The following TRIM26 variants were observed in gnomAD, a reference collection of about 807,000 sequenced individuals.
The protein encoded by TRIM26 is tripartite motif containing 26.
TRIM26 carries 16 observed loss-of-function variants against 45.5 expected under a neutral mutation model. The observed-to-expected ratio is 0.35, with a 90% CI of 0.24 to 0.53. TRIM26 has a LOEUF of 0.53. TRIM26 is among the 20% of genes least tolerant of loss of function. The probability of loss-of-function intolerance (pLI) is 0.92; values close to 1 mark genes in which losing one functional copy is unlikely to be tolerated. For synonymous variants in TRIM26, 273 were observed against 290.4 expected, an observed-to-expected ratio of 0.94 and a Z score of 0.61; for missense variants, 442 against 691.1, an observed-to-expected ratio of 0.64 and a Z score of 4.04.
Position 30,201,017 on chromosome 6 carries a change from A to G in TRIM26, c.-162+18T>C, listed in dbSNP as rs1262262049. On this transcript the variant is annotated intron_variant, in intron 3 of 9. Coordinates refer to ENST00000454678, the MANE Select transcript of TRIM26 (RefSeq NM_003449.5). ...CACACGTGCTACAGAGTTCAACAAC[A>G]TCGTCACAGGGCAGTACCTGGAGGA... 1 of 152,264 alleles carries G rather than the reference A, an allele frequency of 6.6e-6. No homozygotes were observed. Among genetic ancestry groups the G allele is most frequent in the African/African-American group, 2.4e-5 (1 of 41,454 alleles). 9.4% of individuals were successfully genotyped at this position (152,264 alleles called of 1,614,324 possible). A position where few individuals can be genotyped will look rare whatever the true frequency, so the allele number is the denominator to read the frequency against.
chr6:30,186,864 G>T lies in TRIM26; in HGVS notation c.938-306C>A. The T allele has an allele frequency of 1.2e-6, 1 of 828,822 alleles. No individual in the cohort carries two copies. The highest frequency in any genetic ancestry group is 2.0e-6 in the Non-Finnish European group (1 of 493,018). The allele number at this position is 828,822 out of a possible 1,614,324, so 51.3% of individuals were successfully genotyped here. On this transcript the variant is annotated intron_variant, in intron 9 of 9. Transcript: ENST00000454678. The surrounding 1 kb of genome is among the most constrained non-coding windows in gnomAD (Gnocchi z 7.4). ...AAGCTTCCTCTATCTCTGGATCTCT[G>T]GGTCCAACTCATCATTAATATCATC...
At chr6:30,191,912 G>A (rs1775881998) in intron 6 of TRIM26, among the ~76,000 whole-genome samples, 1 of 152,252 alleles carries the variant, frequency 6.6e-6, no homozygotes, top group Non-Finnish European at 1.5e-5. Flanking sequence ...GCAGTAGCTG[G>A]AGTGTGGGCC....
chr6:30,204,431 T>A (rs1327177075), intron 2 of TRIM26, among the ~76,000 whole-genome samples: 1 of 152,242 alleles, frequency 6.6e-6, no homozygotes, highest in Non-Finnish European at 1.5e-5. Context: ...CACCCTAGCC[T>A]TAGCTATGAC....
At chr6:30,194,048 A>T (rs147867122) in intron 6 of TRIM26, among the ~76,000 whole-genome samples, 3 of 152,334 alleles carry the variant, frequency 2.0e-5, no homozygotes, top group African/African-American at 7.2e-5. Flanking sequence ...AAAAACTAAA[A>T]ATAGAACTAC....
chr6:30,186,268 AGTC>A lies in TRIM26; in HGVS notation c.1225_1227del (p.Asp409del). The A allele has an allele frequency of 6.2e-7, 1 of 1,607,070 alleles. No homozygotes were observed. Among genetic ancestry groups the A allele is most frequent in the Middle Eastern group, 1.7e-4 (1 of 6,056 alleles). ...GATTCCTCATCTTCGTCCGTTTCCCAGTCGTCATATCCATCCCCATAGCCGGCC... is the reference window on the plus strand; with the variant it reads ...GATTCCTCATCTTCGTCCGTTTCCCAGTCATATCCATCCCCATAGCCGGCC... On this transcript the variant is annotated inframe_deletion, in exon 10 of 10. Transcript: ENST00000454678. The surrounding 1 kb of genome is among the most constrained non-coding windows in gnomAD (Gnocchi z 7.4).
chr6:30,193,156 G>GTATATA (rs1188383368), intron 6 of TRIM26, among the ~76,000 whole-genome samples: 22 of 50,080 alleles, frequency 4.4e-4, no homozygotes, highest in South Asian at 7.4e-4. Flanking sequence ...GTGTGTGTGT[G>GTATATA]TGTGTGTATA....
Position 30,193,134 on chromosome 6 carries a change from ATATGTGTGTG to A in TRIM26, c.766-3109_766-3100del, listed in dbSNP as rs1485579003. Among the ~76,000 whole-genome samples the A allele has an allele frequency of 2.3e-3, 126 of 54,658 alleles. 4 individuals carry two copies. The highest frequency in any genetic ancestry group is 0.01 in the African/African-American group (95 of 9,070). 35.9% of individuals were successfully genotyped at this position (54,658 alleles called of 152,430 possible). A position where few individuals can be genotyped will look rare whatever the true frequency, so the allele number is the denominator to read the frequency against. On this transcript the variant is annotated intron_variant, in intron 6 of 9. Coordinates refer to ENST00000454678, the MANE Select transcript of TRIM26 (RefSeq NM_003449.5). ...TATATATGTGTATATATATATACAT[ATATGTGTGTG>A]TGTGTGTGTGTGTGTGTGTATATAT...
intron 6 of TRIM26, among the ~76,000 whole-genome samples, chr6:30,195,633 G>GTC (rs1345620565): frequency 6.6e-6 from 1 of 152,166 alleles, no homozygotes; most frequent in Non-Finnish European, 1.5e-5. Context: ...ATACTGCAGA[G>GTC]TCTGCCTTGC....
At chr6:30,202,920 T>C (rs1777329135) in intron 2 of TRIM26, among the ~76,000 whole-genome samples, 1 of 152,012 alleles carries the variant, frequency 6.6e-6, no homozygotes, top group African/African-American at 2.4e-5. Flanking sequence ...CCAAATGCAA[T>C]ACGTGAACCT....
chr6:30,211,682 C>G (rs893897888), intron 1 of TRIM26, among the ~76,000 whole-genome samples: 2 of 152,126 alleles, frequency 1.3e-5, no homozygotes, highest in Non-Finnish European at 2.9e-5. Context: ...GCAAAAAGCT[C>G]TATAAAAATA....
chr6:30,187,369 C>G (rs116960804), intron 9 of TRIM26: 10,569 of 358,662 alleles, frequency 0.029, 347 homozygotes, highest in Admixed American at 0.09. Context: ...TTCGGCAACT[C>G]CTGAAGACCA....
intron 3 of TRIM26, among the ~76,000 whole-genome samples, chr6:30,200,212 G>A (rs568632596): frequency 6.6e-6 from 1 of 152,282 alleles, no homozygotes; most frequent in East Asian, 1.9e-4. Flanking sequence ...AATCTGGGAG[G>A]TGGAGGCTAC....
chr6:30,198,487 T>C lies in TRIM26; in HGVS notation c.476A>G (p.Asp159Gly). The C allele has an allele frequency of 6.2e-7, 1 of 1,613,038 alleles. No individual in the cohort carries two copies. Among genetic ancestry groups the C allele is most frequent in the Non-Finnish European group, 8.5e-7 (1 of 1,180,030 alleles). ...ILNHLSTLRRDRDKIQGFQAK... is the reference protein window; with the variant it reads ...ILNHLSTLRRGRDKIQGFQAK... ...CTGGAAGCCCTGAATTTTGTCTCTG[T>C]CCCTCCTTAGGGTACTCAGGTGGTT... The change falls in exon 5 of 10, where the codon GAC (aspartate) becomes GGC (glycine). Residue 159 changes from aspartate to glycine, a missense_variant. Physicochemically the swap from Asp to Gly is moderately conservative, Grantham distance 94 (BLOSUM62 -1). Coordinates refer to ENST00000454678, the MANE Select transcript of TRIM26 (RefSeq NM_003449.5). This position sits in a 1 kb window ranked among gnomAD's most constrained non-coding sequence, Gnocchi z 6.3.
At chr6:30,210,690 G>A (rs1778197145) in intron 1 of TRIM26, among the ~76,000 whole-genome samples, 1 of 151,352 alleles carries the variant, frequency 6.6e-6, no homozygotes, top group African/African-American at 2.4e-5. Context: ...TATAAAGTAG[G>A]CACAGAAATA....
intron 3 of TRIM26, among the ~76,000 whole-genome samples, chr6:30,199,863 C>T (rs1462818552): frequency 1.3e-5 from 2 of 151,948 alleles, no homozygotes; most frequent in Non-Finnish European, 1.5e-5. Flanking sequence ...GTCTTGATCT[C>T]CCGACCTCGT....
At chr6:30,193,156 G>GTA (rs1188383368) in intron 6 of TRIM26, among the ~76,000 whole-genome samples, 37 of 50,088 alleles carry the variant, frequency 7.4e-4, no homozygotes, top group East Asian at 1.6e-3. Flanking sequence ...GTGTGTGTGT[G>GTA]TGTGTGTATA....
rs769750986 is a variant in TRIM26 at position 30,207,488 on chromosome 6, C to T, written c.-375-2723G>A. On this transcript the variant is annotated intron_variant, in intron 1 of 9. Coordinates refer to ENST00000454678, the MANE Select transcript of TRIM26 (RefSeq NM_003449.5). This position sits in a 1 kb window ranked among gnomAD's most constrained non-coding sequence, Gnocchi z 4.9. ...TCTCCCCTTTGCTGCCCCAGTGCTG[C>T]AGCCACTCTGGCCTTTTGATCCTCA... 1.3e-5 allele frequency among the ~76,000 whole-genome samples: 2 copies of T among 152,212 alleles called. No individual in the cohort carries two copies. The highest frequency in any genetic ancestry group is 2.4e-5 in the African/African-American group (1 of 41,456).
At chr6:30,202,195 C>T (rs921417153) in intron 2 of TRIM26, among the ~76,000 whole-genome samples, 2 of 152,112 alleles carry the variant, frequency 1.3e-5, no homozygotes, top group South Asian at 2.1e-4. Flanking sequence ...AACAGGACAC[C>T]TCATCACCCA....
chr6:30,185,857 TG>T lies in TRIM26; in HGVS notation c.*18del. ...AAGTGAAGCATCTGAGGGTTGGGGCTGGGGGCAGATGTCAGGGCTCAGGGTC... is the reference window on the plus strand; with the variant it reads ...AAGTGAAGCATCTGAGGGTTGGGGCTGGGGCAGATGTCAGGGCTCAGGGTC... On this transcript the variant is annotated 3_prime_UTR_variant, in exon 10 of 10. Transcript: ENST00000454678. The surrounding 1 kb of genome is among the most constrained non-coding windows in gnomAD (Gnocchi z 5.7). The T allele has an allele frequency of 6.3e-7, 1 of 1,596,900 alleles. No individual in the cohort carries two copies. The highest frequency in any genetic ancestry group is 8.5e-7 in the Non-Finnish European group (1 of 1,170,270).
Sources: gnomAD v4.1 joint callset for allele counts (sites outside exome capture counted in the v4.1 genomes callset) on GRCh38, gnomAD v4.1.1 for gene constraint, Gnocchi (gnomAD v3.1) non-coding constraint, MANE v1.5 for transcripts, NCBI Gene and HGNC (gene_info 2026-07-23, HGNC 2026-07-21) for gene names.